The following ACTA2 variants were observed in gnomAD, a reference collection of about 807,000 sequenced individuals.
ACTA2 encodes actin alpha 2, smooth muscle.
A neutral mutation model predicts 39.5 loss-of-function variants in ACTA2; 12 were observed. The ratio of observed to expected loss-of-function variants is 0.30; its 90% CI spans 0.19 to 0.49. The LOEUF (loss-of-function observed/expected upper bound fraction) is 0.49. Ranked by LOEUF, ACTA2 falls within the 20% of genes least tolerant of loss-of-function variation. ACTA2 has a pLI of 0.99. For synonymous variants in ACTA2, 158 were observed against 180.6 expected (o/e 0.88, Z 1.00); for missense variants, 236 against 498.8 (o/e 0.47, Z 5.02).
intron 6 of ACTA2, 93 bp downstream of exon 6, chr10:88,941,136 C>A: frequency 6.5e-7 from 1 of 1,538,196 alleles, no homozygotes; most frequent in Admixed American, 1.7e-5. Context: ...TGCAAAACTT[C>A]ATCCCATCAT....
chr10:88,977,398 CAGCACCATTTATTAAAT>C (rs1846591304), intron 1 of ACTA2, among the ~76,000 whole-genome samples: 3 of 151,384 alleles, frequency 2.0e-5, no homozygotes, highest in African/African-American at 7.3e-5. Context: ...CCAGTTTTCC[CAGCACCATTTATTAAAT>C]AGGGAATCCT....
In ACTA2 at chr10:88,941,278, G is replaced by A. The variant is rs764571918; in HGVS notation, c.567C>T (p.Asp189=). 1.2e-6 allele frequency: 2 copies of A among 1,613,918 alleles called. No homozygotes were observed. Among genetic ancestry groups the A allele is most frequent in the Non-Finnish European group, 8.5e-7 (1 of 1,179,970 alleles). ...RLDLAGRDLT[D]YLMKILTERG... ...GCTCAGTCAGGATCTTCATGAGGTA[G>A]TCAGTGAGATCTCGGCCAGCCAGAT... Residue 189 remains aspartate (D), a synonymous_variant, in exon 6 of 9, where the codon GAC becomes GAT. Coordinates refer to ENST00000224784, the MANE Select transcript of ACTA2 (RefSeq NM_001613.4).
chr10:88,982,763 A>G (rs1488016793), intron 1 of ACTA2, among the ~76,000 whole-genome samples: 1 of 152,244 alleles, frequency 6.6e-6, no homozygotes, highest in African/African-American at 2.4e-5. Flanking sequence ...ATGAAGCTAA[A>G]TGGAGACTGG....
intron 1 of ACTA2, among the ~76,000 whole-genome samples, chr10:88,960,993 A>AGT (rs1222827488): frequency 6.6e-6 from 1 of 152,106 alleles, no homozygotes; most frequent in Non-Finnish European, 1.5e-5. Flanking sequence ...GTAATCAAGG[A>AGT]GTGTGTGTGT....
chr10:88,960,314 C>T (rs774254223), intron 1 of ACTA2, among the ~76,000 whole-genome samples: 1 of 152,058 alleles, frequency 6.6e-6, no homozygotes, highest in African/African-American at 2.4e-5. Context: ...CCAGTTTGAC[C>T]CTGATTCTCT....
intron 1 of ACTA2, chr10:88,974,150 T>C (rs559384110): frequency 6.6e-6 from 1 of 152,230 alleles, no homozygotes; most frequent in East Asian, 1.9e-4. Flanking sequence ...CTTTAAATTC[T>C]TCTTAAATTT....
chr10:88,977,685 A>G (rs1442739972), intron 1 of ACTA2, among the ~76,000 whole-genome samples: 13 of 151,378 alleles, frequency 8.6e-5, no homozygotes, highest in Non-Finnish European at 1.8e-4. Context: ...AATGCAAATG[A>G]AAACCACAAT....
Position 88,948,850 on chromosome 10 carries a change from A to G in ACTA2, c.81T>C (p.Asp27=). 2 of 1,614,012 alleles carry G rather than the reference A, an allele frequency of 1.2e-6. No individual in the cohort carries two copies. The highest frequency in any genetic ancestry group is 1.7e-6 in the Non-Finnish European group (2 of 1,179,926). Residue 27 remains aspartate, a synonymous_variant, in exon 2 of 9, where the codon GAT becomes GAC. Transcript: ENST00000224784. ...TGGATGGGAAAACAGCCCTGGGAGC[A>G]TCGTCCCCAGCAAAGCCGGCCTTAC... ...GLCKAGFAGD[D]APRAVFPSIV... is the part of the protein sequence containing the mutation.
chr10:88,946,257 A>G (rs1287166510), intron 3 of ACTA2, among the ~76,000 whole-genome samples: 1 of 146,566 alleles, frequency 6.8e-6, no homozygotes, highest in East Asian at 2.0e-4. Context: ...GCATGCCACC[A>G]CACACTGTTA....
At chr10:88,988,723 C>T (rs1279087719) in intron 1 of ACTA2, among the ~76,000 whole-genome samples, 1 of 152,088 alleles carries the variant, frequency 6.6e-6, no homozygotes, top group East Asian at 1.9e-4. Context: ...CCCCAGAACA[C>T]CAGCATTCAT....
intron 1 of ACTA2, among the ~76,000 whole-genome samples, chr10:88,986,849 C>A (rs1846907672): frequency 6.6e-6 from 1 of 152,100 alleles, no homozygotes; most frequent in Non-Finnish European, 1.5e-5. Context: ...CTGTGACCCC[C>A]AAATTATCAA....
intron 3 of ACTA2, 175 bp downstream of exon 3, chr10:88,947,083 A>G: frequency 1.2e-6 from 1 of 864,544 alleles, no homozygotes. Flanking sequence ...ATCATTTTTT[A>G]TGGCTACAAG....
chr10:88,991,043 G>C (rs1412270618), exon 1 of ACTA2: 1 of 1,189,012 alleles, frequency 8.4e-7, no homozygotes, highest in Non-Finnish European at 1.2e-6. Context: ...GGGCTGCTGC[G>C]GGAGGCGTTG....
At chr10:88,980,034 C>A (rs1433343516) in intron 1 of ACTA2, among the ~76,000 whole-genome samples, 1 of 152,208 alleles carries the variant, frequency 6.6e-6, no homozygotes, top group Non-Finnish European at 1.5e-5. Context: ...AGATGGCCAG[C>A]TGAGCCGAAA....
In ACTA2 at chr10:88,943,636, TC is replaced by T; in HGVS notation, c.369+160del. 5 of 711,786 alleles carry T rather than the reference TC, an allele frequency of 7.0e-6. No homozygotes were observed. In the South Asian group the frequency reaches 7.5e-5, roughly 11 times the overall value. 44.1% of individuals were successfully genotyped at this position (711,786 alleles called of 1,614,324 possible). On this transcript the variant is annotated intron_variant, in intron 4 of 8. Coordinates refer to ENST00000224784, the MANE Select transcript of ACTA2 (RefSeq NM_001613.4). ...CCCTGCAGGAAGGATGCAAGTACTT[TC>T]AAGCTGTTCCTGTCCTTTGGGATCC... is the stretch of plus-strand genomic sequence containing the variant.
upstream of ACTA2, among the ~76,000 whole-genome samples, chr10:88,953,155 A>G (rs992885108): frequency 2.0e-5 from 3 of 152,230 alleles, no homozygotes; most frequent in African/African-American, 7.2e-5. Context: ...TAAACTGAGA[A>G]CAGAAAGGGG....
intron 1 of ACTA2, chr10:88,975,245 G>A (rs1048805238): frequency 6.6e-6 from 1 of 152,066 alleles, no homozygotes; most frequent in Non-Finnish European, 1.5e-5. Context: ...TAAGGTTTGT[G>A]AGGAAAAGAT....
intron 1 of ACTA2, among the ~76,000 whole-genome samples, chr10:88,967,264 C>T (rs933415075): frequency 6.6e-6 from 1 of 152,152 alleles, no homozygotes; most frequent in Non-Finnish European, 1.5e-5. Flanking sequence ...GGACAAGACT[C>T]TTATTACCTA....
intron 6 of ACTA2, chr10:88,940,274 A>G (rs1845823849): frequency 6.0e-6 from 1 of 166,442 alleles, no homozygotes; most frequent in Non-Finnish European, 1.3e-5. Context: ...TGCATACTGA[A>G]CGAGATACGG....
Sources: gnomAD v4.1 joint callset for allele counts (sites outside exome capture counted in the v4.1 genomes callset) on GRCh38, gnomAD v4.1.1 for gene constraint, MANE v1.5 for transcripts, NCBI Gene and HGNC (gene_info 2026-07-23, HGNC 2026-07-21) for gene names.